The following POF1B variants were observed in gnomAD, a reference collection of about 807,000 sequenced individuals.
POF1B encodes the protein protein POF1B.
A neutral mutation model predicts 55.3 loss-of-function variants in POF1B; 53 were observed. The observed-to-expected ratio is 0.96, with a 90% CI of 0.77 to 1.20. The LOEUF is 1.20. Ranked by LOEUF, POF1B falls within the 50% of genes most tolerant of loss-of-function variation. The pLI, the probability that POF1B is intolerant of heterozygous loss-of-function variation, is 0.00. For synonymous variants in POF1B, 188 were observed against 148.3 expected (o/e 1.27, Z -1.95); for missense variants, 478 against 420.5 (o/e 1.14, Z -1.20).
At chrX:85,345,820 A>G in intron 6 of POF1B, 40 bp downstream of exon 6, 2 of 1,107,073 alleles carry the variant, frequency 1.8e-6, no homozygotes, top group Non-Finnish European at 2.4e-6. Flanking sequence ...GTTCAAGAAC[A>G]TTATTTCAGT....
At chrX:85,342,202 ATT>A (rs1228722348) in intron 6 of POF1B, among the ~76,000 whole-genome samples, 1 of 111,790 alleles carries the variant, frequency 8.9e-6, no homozygotes, top group African/African-American at 3.2e-5. Flanking sequence ...AAAGGGTGAT[ATT>A]AGTAGGGAGG....
intron 15 of POF1B, among the ~76,000 whole-genome samples, chrX:85,292,147 G>C (rs73627350): frequency 1.8e-5 from 2 of 111,424 alleles, no homozygotes; most frequent in African/African-American, 6.5e-5. Context: ...TGACATAAAT[G>C]GGTGTTGAAT....
At chrX:85,321,866 C>T (rs2147917604) in intron 7 of POF1B, among the ~76,000 whole-genome samples, 1 of 109,000 alleles carries the variant, frequency 9.2e-6, no homozygotes, top group East Asian at 2.9e-4. Flanking sequence ...GAATAAAATA[C>T]CTAGGAATCC....
chrX:85,363,525 T>C (rs1254618148), intron 3 of POF1B, among the ~76,000 whole-genome samples: 1 of 111,681 alleles, frequency 9.0e-6, no homozygotes. Context: ...CTCAAGAGCA[T>C]GTTGTTTAAT....
At chrX:85,368,469 C>T (rs941732678) in intron 2 of POF1B, among the ~76,000 whole-genome samples, 3 of 110,597 alleles carry the variant, frequency 2.7e-5, no homozygotes, top group African/African-American at 9.8e-5. Flanking sequence ...TAAGAAACTA[C>T]CTTTGAAAAC....
In POF1B at chrX:85,308,092, A is replaced by C. The variant is rs754224296; in HGVS notation, c.1050+32T>G. On this transcript the variant is annotated intron_variant, in intron 10 of 16. Transcript: ENST00000262753. ...CTGTATTAGGAAGCTAGTAACTAGA[A>C]AGGCTTTGGAAAAAATCAAAATAAA... The C allele has an allele frequency of 1.1e-5, 11 of 1,006,920 alleles. No individual in the cohort carries two copies. The South Asian group carries it at 2.4e-4, about 22-fold the overall frequency. 83.0% of individuals were successfully genotyped at this position (1,006,920 alleles called of 1,213,427 possible). A position where few individuals can be genotyped will look rare whatever the true frequency, so the allele number is the denominator to read the frequency against.
At chrX:85,283,209 G>T (rs781153513) in intron 15 of POF1B, among the ~76,000 whole-genome samples, 1 of 111,246 alleles carries the variant, frequency 9.0e-6, no homozygotes, top group Non-Finnish European at 1.9e-5. Context: ...AACGAAAAAT[G>T]AATAGTCATG....
At chrX:85,307,002 C>T (rs1190894707) in intron 11 of POF1B, among the ~76,000 whole-genome samples, 161 bp downstream of exon 11, 1 of 111,704 alleles carries the variant, frequency 9.0e-6, no homozygotes, top group African/African-American at 3.2e-5. Context: ...AGAGGGCTTT[C>T]AGCCATTAGA....
chrX:85,307,162 C>T lies in POF1B; in HGVS notation c.1164+1G>A. ...TAACACCAATAAAAGCATCAGTTTA[C>T]CTGCTGCTGGTGATTATTTGCTCTC... On this transcript the variant is annotated splice_donor_variant, in intron 11 of 16. Coordinates refer to ENST00000262753, the MANE Select transcript of POF1B (RefSeq NM_024921.4). LOFTEE classifies it high-confidence loss of function. 1.7e-6 allele frequency: 2 copies of T among 1,184,629 alleles called. No individual in the cohort carries two copies. Among genetic ancestry groups the T allele is most frequent in the Admixed American group, 2.2e-5 (1 of 45,110 alleles).
chrX:85,360,026 T>A (rs1409542416), intron 3 of POF1B, among the ~76,000 whole-genome samples: 1 of 110,922 alleles, frequency 9.0e-6, no homozygotes, highest in East Asian at 2.8e-4. Flanking sequence ...TGTATGTGTG[T>A]GTAGTTAAAC....
chrX:85,338,581 A>G (rs990642374), intron 6 of POF1B, among the ~76,000 whole-genome samples: 2 of 112,049 alleles, frequency 1.8e-5, no homozygotes, highest in East Asian at 2.8e-4. Context: ...CTTGTACTAC[A>G]AAGTGAGTAT....
chrX:85,298,169 C>T (rs896414232), intron 15 of POF1B, among the ~76,000 whole-genome samples: 9 of 112,394 alleles, frequency 8.0e-5, no homozygotes, highest in African/African-American at 2.9e-4. Flanking sequence ...GTTGCAGAAT[C>T]AGCCAGGCAA....
intron 7 of POF1B, among the ~76,000 whole-genome samples, chrX:85,328,511 T>C (rs1457928599): frequency 1.8e-5 from 2 of 111,101 alleles, no homozygotes; most frequent in Non-Finnish European, 3.8e-5. Context: ...CTTAAACAAT[T>C]TGCCTGATAT....
At chrX:85,361,184 A>T (rs1933610156) in intron 3 of POF1B, among the ~76,000 whole-genome samples, 1 of 110,847 alleles carries the variant, frequency 9.0e-6, no homozygotes, top group African/African-American at 3.3e-5. Context: ...TTTTCGTTTC[A>T]CTCTGTTGAT....
At position 85,310,688 on chromosome X, in the gene POF1B, T is replaced by C. The variant is rs756977545; in HGVS notation, c.958-2472A>G. 4.5e-5 allele frequency among the ~76,000 whole-genome samples: 5 copies of C among 111,553 alleles called. No homozygotes were observed. In the East Asian group the frequency reaches 1.4e-3, roughly 32 times the overall value. On this transcript the variant is annotated intron_variant, in intron 9 of 16. Coordinates refer to ENST00000262753, the MANE Select transcript of POF1B (RefSeq NM_024921.4). The stretch of plus-strand genomic sequence containing the variant: ...GCTGAAAAAATATTCAAAAAAATTA[T>C]GGCTGAGAAGTTTCCCAAATTAGTA...
At chrX:85,308,343 G>A (rs1178910241) in intron 9 of POF1B, 127 bp from the exon 10 acceptor site, 2 of 352,277 alleles carry the variant, frequency 5.7e-6, no homozygotes, top group African/African-American at 5.2e-5. Flanking sequence ...AAATTAGAAA[G>A]GTGATATAAG....
At chrX:85,304,293 C>T (rs758082143) in intron 14 of POF1B, 50 bp downstream of exon 14, 27 of 1,051,213 alleles carry the variant, frequency 2.6e-5, no homozygotes, top group Non-Finnish European at 3.4e-5. Context: ...TACAGTACTA[C>T]AGTACTAAGT....
At chrX:85,291,872 G>A (rs1288944229) in intron 15 of POF1B, among the ~76,000 whole-genome samples, 1 of 111,306 alleles carries the variant, frequency 9.0e-6, no homozygotes, top group African/African-American at 3.3e-5. Flanking sequence ...TGCAAACAGG[G>A]ATAGTTTGAC....
intron 4 of POF1B, among the ~76,000 whole-genome samples, chrX:85,356,806 C>T (rs1933510623): frequency 9.0e-6 from 1 of 111,260 alleles, no homozygotes; most frequent in Admixed American, 9.6e-5. Context: ...AGTGGCAGAT[C>T]TTATAATGTT....
Sources: allele counts gnomAD v4.1 joint callset (sites outside exome capture counted in the v4.1 genomes callset), GRCh38; gene constraint gnomAD v4.1.1; transcripts MANE v1.5; gene names NCBI Gene and HGNC (gene_info 2026-07-23, HGNC 2026-07-21).